PPP1R14A: variants seen among roughly 807,000 people sequenced by gnomAD.
PPP1R14A encodes the protein protein phosphatase 1 regulatory inhibitor subunit 14A, also known as protein phosphatase 1 regulatory subunit 14A.
Under a neutral mutation model 14.1 loss-of-function variants are expected in PPP1R14A, and 9 were observed. That is an observed-to-expected ratio of 0.64 (90% CI 0.38 to 1.11). The LOEUF (loss-of-function observed/expected upper bound fraction) is 1.11, where lower values mean the gene tolerates loss of function less well. PPP1R14A is among the 50% of genes most tolerant of loss of function. The pLI, the probability that PPP1R14A is intolerant of heterozygous loss-of-function variation, is 0.01. For missense variants in PPP1R14A, 208 were observed against 200.7 expected (o/e 1.04, Z -0.22); for synonymous variants, 93 against 88.7 (o/e 1.05, Z -0.27).
In PPP1R14A at chr19:38,252,189, C is replaced by A; in HGVS notation, c.315+117G>T. 1.1e-6 allele frequency: 1 copy of A among 940,472 alleles called. No homozygotes were observed. Among genetic ancestry groups the A allele is most frequent in the Non-Finnish European group, 1.6e-6 (1 of 606,196 alleles). The allele number at this position is 940,472 out of a possible 1,614,324, so 58.3% of individuals were successfully genotyped here. On this transcript the variant is annotated intron_variant, in intron 3 of 3. Transcript: ENST00000301242. The surrounding 1 kb of genome is among the most constrained non-coding windows in gnomAD (Gnocchi z 4.1). ...AAGAGCTGCGGAGGGCAGGTTGGGG[C>A]CGGGGGTGGTGGGGCCGGGTGGTGT...
At chr19:38,253,156 A>T in intron 1 of PPP1R14A, 182 bp from the exon 2 acceptor site, 1 of 587,164 alleles carries the variant, frequency 1.7e-6, no homozygotes, top group East Asian at 2.9e-5. Flanking sequence ...GAGGGGTGAC[A>T]GATGGGCTGA....
In PPP1R14A at chr19:38,256,110, G is replaced by A. The variant is rs1968244991; in HGVS notation, c.201+29C>T. 6 of 1,523,422 alleles carry A rather than the reference G, an allele frequency of 3.9e-6. No homozygotes were observed. The highest frequency in any genetic ancestry group is 5.3e-6 in the Non-Finnish European group (6 of 1,140,280). 94.4% of individuals were successfully genotyped at this position (1,523,422 alleles called of 1,614,324 possible). On this transcript the variant is annotated intron_variant, in intron 1 of 3. Coordinates refer to ENST00000301242, the MANE Select transcript of PPP1R14A (RefSeq NM_033256.3). This position sits in a 1 kb window ranked among gnomAD's most constrained non-coding sequence, Gnocchi z 5.7. ...CCGCGCCCGGGCTCTATCTGTCCCC[G>A]ACCACCCCCGAGCCCTCCCCGGGCT... is the stretch of plus-strand genomic sequence containing the variant.
Position 38,254,364 on chromosome 19 carries a change from G to A in PPP1R14A, c.202-1390C>T, listed in dbSNP as rs139203120. 5.1e-3 allele frequency among the ~76,000 whole-genome samples: 769 copies of A among 152,130 alleles called. 5 individuals are homozygous for A. Among genetic ancestry groups the A allele is most frequent in the Admixed American group, 0.018 (271 of 15,280 alleles). ...CTGTCACCTAGGGTGGAGTACAATG[G>A]CGCGATCTTGGCTCACTGCAACCTC... On this transcript the variant is annotated intron_variant, in intron 1 of 3. Coordinates refer to ENST00000301242, the MANE Select transcript of PPP1R14A (RefSeq NM_033256.3).
Position 38,252,488 on chromosome 19 carries a change from CAG to C in PPP1R14A, c.283-152_283-151del. On this transcript the variant is annotated intron_variant, in intron 2 of 3. Transcript: ENST00000301242. The surrounding 1 kb of genome is among the most constrained non-coding windows in gnomAD (Gnocchi z 4.1). ...TGCCCACCAAGCTTCAAGAGAGGAA[CAG>C]AGCCCAAGGGGCATGTGGATCGACT... is the stretch of plus-strand genomic sequence containing the variant. The C allele has an allele frequency of 5.0e-6, 4 of 802,948 alleles. No homozygotes were observed. In the South Asian group the frequency reaches 6.3e-5, roughly 13 times the overall value. 49.7% of individuals were successfully genotyped at this position (802,948 alleles called of 1,614,324 possible).
Position 38,256,368 on chromosome 19 carries a change from G to C in PPP1R14A, c.-29C>G, listed in dbSNP as rs1464904025. On this transcript the variant is annotated 5_prime_UTR_variant, in exon 1 of 4. Coordinates refer to ENST00000301242, the MANE Select transcript of PPP1R14A (RefSeq NM_033256.3). The surrounding 1 kb of genome is among the most constrained non-coding windows in gnomAD (Gnocchi z 5.7). ...GCTGCTGGACCCAGCCTGGCCCCGCGCTGTGCGCCTTCGCCTCGCGCCCCG... is the reference window on the plus strand; with the variant it reads ...GCTGCTGGACCCAGCCTGGCCCCGCCCTGTGCGCCTTCGCCTCGCGCCCCG... The C allele has an allele frequency of 2.9e-6, 4 of 1,394,250 alleles. No homozygotes were observed. The African/African-American group carries it at 6.1e-5, about 21-fold the overall frequency. The allele number at this position is 1,394,250 out of a possible 1,614,324, so 86.4% of individuals were successfully genotyped here.
In PPP1R14A at chr19:38,256,102, C is replaced by T; in HGVS notation, c.201+37G>A. ...TGGGGTCTCCGCGCCCGGGCTCTAT[C>T]TGTCCCCGACCACCCCCGAGCCCTC... On this transcript the variant is annotated intron_variant, in intron 1 of 3. Transcript: ENST00000301242. This position sits in a 1 kb window ranked among gnomAD's most constrained non-coding sequence, Gnocchi z 5.7. 1.3e-6 allele frequency: 2 copies of T among 1,513,576 alleles called. No individual in the cohort carries two copies. Among genetic ancestry groups the T allele is most frequent in the Non-Finnish European group, 1.8e-6 (2 of 1,133,418 alleles). The allele number at this position is 1,513,576 out of a possible 1,614,324, so 93.8% of individuals were successfully genotyped here.
chr19:38,254,381 T>C (rs1227718014), intron 1 of PPP1R14A, among the ~76,000 whole-genome samples: 1 of 152,158 alleles, frequency 6.6e-6, no homozygotes, highest in East Asian at 1.9e-4. Context: ...CTTGGCTCAC[T>C]GCAACCTCCG....
rs1190391673 is a variant in PPP1R14A at position 38,252,853 on chromosome 19, G to A, written c.282+41C>T. The stretch of plus-strand genomic sequence containing the variant: ...GAACTATTGCTATTATTTTTAGGGA[G>A]GTGCAAAGTGGGAGGCTGGGGGACA... On this transcript the variant is annotated intron_variant, in intron 2 of 3. Transcript: ENST00000301242. The surrounding 1 kb of genome is among the most constrained non-coding windows in gnomAD (Gnocchi z 4.1). 5.0e-6 allele frequency: 7 copies of A among 1,396,578 alleles called. No individual in the cohort carries two copies. The South Asian group carries it at 8.1e-5, about 16-fold the overall frequency. 86.5% of individuals were successfully genotyped at this position (1,396,578 alleles called of 1,614,324 possible).
At position 38,256,238 on chromosome 19, in the gene PPP1R14A, G is replaced by C. The variant is rs1001187576; in HGVS notation, c.102C>G (p.His34Gln). 2 of 1,551,550 alleles carry C rather than the reference G, an allele frequency of 1.3e-6. No individual in the cohort carries two copies. Among genetic ancestry groups the C allele is most frequent in the African/African-American group, 1.4e-5 (1 of 73,712 alleles). ...GGSPGGLQKR[H>Q]ARVTVKYDRR... ...GGTCATACTTGACGGTGACGCGCGCGTGCCGCTTCTGCAGCCCCCCGGGAC... is the reference window on the plus strand; with the variant it reads ...GGTCATACTTGACGGTGACGCGCGCCTGCCGCTTCTGCAGCCCCCCGGGAC... The change falls in exon 1 of 4, where the codon CAC (histidine) becomes CAG (glutamine). Residue 34 changes from histidine (H) to glutamine (Q), a missense_variant. His to Gln is a conservative substitution (Grantham distance 24, BLOSUM62 0). Transcript: ENST00000301242. This position sits in a 1 kb window ranked among gnomAD's most constrained non-coding sequence, Gnocchi z 5.7.
intron 1 of PPP1R14A, among the ~76,000 whole-genome samples, chr19:38,253,864 A>G (rs984428126): frequency 3.3e-5 from 5 of 152,206 alleles, no homozygotes; most frequent in Non-Finnish European, 7.3e-5. Context: ...CCGAGGATGC[A>G]GAGGGACCTG....
chr19:38,255,876 T>C (rs1267856670), intron 1 of PPP1R14A, among the ~76,000 whole-genome samples: 1 of 151,928 alleles, frequency 6.6e-6, no homozygotes, highest in African/African-American at 2.4e-5. Context: ...CTCCTCATGC[T>C]AAACCCCTGG....
At position 38,251,338 on chromosome 19, in the gene PPP1R14A, C is replaced by T. The variant is rs746925196; in HGVS notation, c.424G>A (p.Ala142Thr). The T allele has an allele frequency of 5.2e-6, 8 of 1,525,424 alleles. No individual in the cohort carries two copies. The African/African-American group carries it at 8.7e-5, about 17-fold the overall frequency. The allele number at this position is 1,525,424 out of a possible 1,614,324, so 94.5% of individuals were successfully genotyped here. ...GAGGGTCAGGGGTGAGCAGTCCGGG[C>T]CCGGTCCTGGAGGGGGCTGAGGCTG... is the stretch of plus-strand genomic sequence containing the variant. Reference protein sequence around the residue: ...DGSLSPLQDRARTAHP With the variant: ...DGSLSPLQDRTRTAHP Residue 142 changes from alanine (A) to threonine (T), a missense_variant, in exon 4 of 4, where the codon GCC (alanine) becomes ACC (threonine). Ala to Thr is a moderately conservative substitution (Grantham distance 58, BLOSUM62 0). Coordinates refer to ENST00000301242, the MANE Select transcript of PPP1R14A (RefSeq NM_033256.3).
Position 38,251,364 on chromosome 19 carries a change from C to T in PPP1R14A, c.398G>A (p.Gly133Asp), listed in dbSNP as rs1215228248. 1.9e-6 allele frequency: 3 copies of T among 1,553,064 alleles called. No homozygotes were observed. Among genetic ancestry groups the T allele is most frequent in the East Asian group, 2.5e-5 (1 of 40,708 alleles). The change falls in exon 4 of 4, where the codon GGC (glycine) becomes GAC (aspartate). Residue 133 changes from glycine to aspartate, a missense_variant. Transcript: ENST00000301242. ...CCGGTCCTGGAGGGGGCTGAGGCTGCCGTCGTGGGAGGGGCTTGGCTGGCG... is the reference window on the plus strand; with the variant it reads ...CCGGTCCTGGAGGGGGCTGAGGCTGTCGTCGTGGGAGGGGCTTGGCTGGCG... The part of the protein sequence containing the change: ...GLRQPSPSHD[G>D]SLSPLQDRAR...
rs746925196 is a variant in PPP1R14A at position 38,251,338 on chromosome 19, C to G, written c.424G>C (p.Ala142Pro). The G allele has an allele frequency of 6.6e-7, 1 of 1,525,540 alleles. No homozygotes were observed. Among genetic ancestry groups the G allele is most frequent in the South Asian group, 1.3e-5 (1 of 77,622 alleles). The allele number at this position is 1,525,540 out of a possible 1,614,324, so 94.5% of individuals were successfully genotyped here. ...GAGGGTCAGGGGTGAGCAGTCCGGG[C>G]CCGGTCCTGGAGGGGGCTGAGGCTG... ...DGSLSPLQDR[A>P]RTAHP Residue 142 changes from alanine to proline, a missense_variant, in exon 4 of 4, where the codon GCC becomes CCC. Transcript: ENST00000301242.
chr19:38,255,037 G>C (rs1246717789), intron 1 of PPP1R14A, among the ~76,000 whole-genome samples: 1 of 152,172 alleles, frequency 6.6e-6, no homozygotes, highest in Non-Finnish European at 1.5e-5. Context: ...GCCCGCCTCG[G>C]CCTCCCAAAG....
Position 38,252,886 on chromosome 19 carries a change from C to T in PPP1R14A, c.282+8G>A, listed in dbSNP as rs781401109. The T allele has an allele frequency of 8.1e-6, 13 of 1,608,140 alleles. No homozygotes were observed. Among genetic ancestry groups the T allele is most frequent in the East Asian group, 6.7e-5 (3 of 44,862 alleles). Reference sequence around the variant, plus strand: ...GTGGGAGGCTGGGGGACACGTCCCCCCACCTACCTGGATTTTCCGGCTTCT... The same window carrying T: ...GTGGGAGGCTGGGGGACACGTCCCCTCACCTACCTGGATTTTCCGGCTTCT... On this transcript the variant is annotated splice_region_variant and intron_variant, in intron 2 of 3. Transcript: ENST00000301242. This position sits in a 1 kb window ranked among gnomAD's most constrained non-coding sequence, Gnocchi z 4.1.
In PPP1R14A at chr19:38,252,932, C is replaced by G. The variant is rs1208791831; in HGVS notation, c.244G>C (p.Glu82Gln). Residue 82 changes from glutamate to glutamine, a missense_variant, in exon 2 of 4, where the codon GAG (glutamate) becomes CAG (glutamine). By Grantham distance (29) the Glu-to-Gln change is conservative. Coordinates refer to ENST00000301242, the MANE Select transcript of PPP1R14A (RefSeq NM_033256.3). This position sits in a 1 kb window ranked among gnomAD's most constrained non-coding sequence, Gnocchi z 4.1. The part of the protein sequence containing the change: ...PDEINIDELL[E>Q]LESEEERSRK... ...CTTCTCTCCTCTTCACTCTCTAACT[C>G]CAACAATTCATCAATGTTGATCTCA... 1 of 1,613,992 alleles carries G rather than the reference C, an allele frequency of 6.2e-7. No homozygotes were observed. The highest frequency in any genetic ancestry group is 8.5e-7 in the Non-Finnish European group (1 of 1,179,974).
intron 1 of PPP1R14A, among the ~76,000 whole-genome samples, chr19:38,255,554 T>C (rs1291352953): frequency 1.3e-5 from 2 of 152,128 alleles, no homozygotes; most frequent in African/African-American, 4.8e-5. Flanking sequence ...TGTGTCTGCC[T>C]ACGGCTGTGG....
At chr19:38,255,434 T>A (rs1001005134) in intron 1 of PPP1R14A, among the ~76,000 whole-genome samples, 1 of 152,226 alleles carries the variant, frequency 6.6e-6, no homozygotes, top group Non-Finnish European at 1.5e-5. Context: ...TTGTTTTATG[T>A]CTTTGAGTGG....
Sources: allele counts gnomAD v4.1 joint callset (sites outside exome capture counted in the v4.1 genomes callset), GRCh38; gene constraint gnomAD v4.1.1; non-coding constraint Gnocchi (gnomAD v3.1); transcripts MANE v1.5; gene names NCBI Gene and HGNC (gene_info 2026-07-23, HGNC 2026-07-21).